Variants in MTHFSD observed in about 807,000 individuals in gnomAD.
The protein encoded by MTHFSD is methenyltetrahydrofolate synthetase domain containing, also known as methenyltetrahydrofolate synthase domain-containing protein.
Under a neutral mutation model 31.1 loss-of-function variants are expected in MTHFSD, and 37 were observed. That is an observed-to-expected ratio of 1.19 (90% CI 0.91 to 1.56). The LOEUF (loss-of-function observed/expected upper bound fraction) is 1.56. MTHFSD is among the 40% of genes most tolerant of loss of function. The pLI is 0.00. For missense variants in MTHFSD, 664 were observed against 510.1 expected (o/e 1.30, Z -2.91); for synonymous variants, 221 against 206.9 (o/e 1.07, Z -0.59).
rs151038450 is a variant in MTHFSD at position 86,538,976 on chromosome 16, T to C, written c.681+2721A>G. Among the ~76,000 whole-genome samples the C allele has an allele frequency of 5.1e-3, 771 of 152,282 alleles. 11 individuals carry two copies. Among genetic ancestry groups the C allele is most frequent in the African/African-American group, 0.018 (738 of 41,540 alleles). On this transcript the variant is annotated intron_variant, in intron 7 of 7. Coordinates refer to ENST00000360900, the MANE Select transcript of MTHFSD (RefSeq NM_001159377.2). ...AGGACAGAGCAGACAATGTGCCTTC[T>C]AGAAAGGAGGAGCAAAAGCAGAGCC...
At position 86,547,579 on chromosome 16, in the gene MTHFSD, A is replaced by G. The variant is rs377501919; in HGVS notation, c.351+885T>C. The G allele has an allele frequency of 7.1e-5, 70 of 988,458 alleles. No homozygotes were observed. In the East Asian group the frequency reaches 4.7e-3, roughly 67 times the overall value. The allele number at this position is 988,458 out of a possible 1,614,324, so 61.2% of individuals were successfully genotyped here. A position where few individuals can be genotyped will look rare whatever the true frequency, so the allele number is the denominator to read the frequency against. On this transcript the variant is annotated intron_variant, in intron 4 of 7. Transcript: ENST00000360900. ...GCAGGCACTGACCAACTGCAAAGGA[A>G]GAGACGGCTTGCATTTGTGAATGCT...
chr16:86,532,631 TC>T (rs1227079783), intron 7 of MTHFSD, 150 bp from the exon 8 acceptor site: 1 of 500,124 alleles, frequency 2.0e-6, no homozygotes, highest in Non-Finnish European at 3.4e-6. Context: ...ACTCCCACTG[TC>T]CCACCCACTA....
rs190387064 is a variant in MTHFSD, at chr16:86,542,406, G to C, written c.443-193C>G. Reference sequence around the variant, plus strand: ...ACGATGGACTTTTGGGCATTCAACAGGAATAACAACACGGCCAATGTCAGG... The same window carrying C: ...ACGATGGACTTTTGGGCATTCAACACGAATAACAACACGGCCAATGTCAGG... On this transcript the variant is annotated intron_variant, in intron 5 of 7. Coordinates refer to ENST00000360900, the MANE Select transcript of MTHFSD (RefSeq NM_001159377.2). This position sits in a 1 kb window ranked among gnomAD's most constrained non-coding sequence, Gnocchi z 4.6. 7.2e-4 allele frequency: 418 copies of C among 581,068 alleles called. 1 individual carries two copies. The highest frequency in any genetic ancestry group is 1.2e-4 in the Non-Finnish European group (38 of 326,220). The allele number at this position is 581,068 out of a possible 1,614,324, so 36.0% of individuals were successfully genotyped here. A position where few individuals can be genotyped will look rare whatever the true frequency, so the allele number is the denominator to read the frequency against.
Position 86,532,148 on chromosome 16 carries a change from G to A in MTHFSD, c.1015C>T (p.Gln339Ter), listed in dbSNP as rs779172961. ...LGSVPLRLTW[Q>*]GPRRRAFLHY... ...AGGAAGGCTCTGCGCCGCGGGCCCT[G>A]CCAGGTGAGCCGCAGGGGCACGGAG... Residue 339 changes from glutamine (Q) to a stop codon, truncating the protein, a stop_gained, in exon 8 of 8, where the codon CAG (glutamine) becomes TAG (stop). Coordinates refer to ENST00000360900, the MANE Select transcript of MTHFSD (RefSeq NM_001159377.2). LOFTEE classifies it low-confidence loss of function (END_TRUNC). 10 of 1,562,688 alleles carry A rather than the reference G, an allele frequency of 6.4e-6. No individual in the cohort carries two copies. Among genetic ancestry groups the A allele is most frequent in the Admixed American group, 3.8e-5 (2 of 53,292 alleles).
At chr16:86,539,155 T>TA (rs924109155) in intron 7 of MTHFSD, among the ~76,000 whole-genome samples, 5 of 152,138 alleles carry the variant, frequency 3.3e-5, no homozygotes, top group Admixed American at 2.6e-4. Flanking sequence ...CGGCTACTTG[T>TA]GGGGGGTCTC....
intron 1 of MTHFSD, 28 bp downstream of exon 1, chr16:86,555,141 C>T: frequency 1.3e-6 from 2 of 1,533,586 alleles, no homozygotes; most frequent in South Asian, 2.4e-5. Flanking sequence ...CATTCCCAGC[C>T]GCCCCGGAGC....
In MTHFSD at chr16:86,554,668, G is replaced by C. The variant is rs747603296; in HGVS notation, c.100C>G (p.His34Asp). The change falls in exon 2 of 8, where the codon CAT becomes GAT. Residue 34 changes from histidine to aspartate, a missense_variant. Physicochemically the swap from His to Asp is moderately conservative, Grantham distance 81. Coordinates refer to ENST00000360900, the MANE Select transcript of MTHFSD (RefSeq NM_001159377.2). ...ACCTTAAAGTTGGGTATCCTGTGAT[G>C]AACAGGTCGGGGAAAGTCAGCTAAA... ...QNLADFPRPV[H>D]HRIPNFKGSY... is the part of the protein sequence containing the mutation. The C allele has an allele frequency of 1.9e-6, 3 of 1,614,088 alleles. No homozygotes were observed. The highest frequency in any genetic ancestry group is 2.5e-6 in the Non-Finnish European group (3 of 1,179,950).
At chr16:86,548,268 A>G (rs1460004728) in intron 4 of MTHFSD, among the ~76,000 whole-genome samples, 196 bp downstream of exon 4, 1 of 152,272 alleles carries the variant, frequency 6.6e-6, no homozygotes, top group Non-Finnish European at 1.5e-5. Context: ...ACTGAGTTAC[A>G]GAAATAGAAT....
chr16:86,543,952 G>C (rs1971901481), intron 5 of MTHFSD, among the ~76,000 whole-genome samples: 1 of 152,204 alleles, frequency 6.6e-6, no homozygotes. Context: ...AGGGATCTAG[G>C]TTGCGTGCTC....
rs1304402695 is a variant in MTHFSD at position 86,542,112 on chromosome 16, G to A, written c.544C>T (p.His182Tyr). The A allele has an allele frequency of 2.5e-6, 4 of 1,613,316 alleles. No individual in the cohort carries two copies. Among genetic ancestry groups the A allele is most frequent in the South Asian group, 2.2e-5 (2 of 91,060 alleles). The change falls in exon 6 of 8, where the codon CAC becomes TAC. Residue 182 changes from histidine (H) to tyrosine (Y), a missense_variant. His to Tyr is a moderately conservative substitution (Grantham distance 83). Transcript: ENST00000360900. This position sits in a 1 kb window ranked among gnomAD's most constrained non-coding sequence, Gnocchi z 4.6. ...SKETPVVTIV[H>Y]DCQVVDIPEE... is the part of the protein sequence containing the mutation. ...TTCATAAGGAGCACCTGGCAGTCGTGGACGATGGTGACCACCGGCGTCTCC... is the reference window on the plus strand; with the variant it reads ...TTCATAAGGAGCACCTGGCAGTCGTAGACGATGGTGACCACCGGCGTCTCC...
intron 7 of MTHFSD, chr16:86,540,674 C>G (rs1255696597): frequency 3.0e-6 from 3 of 987,858 alleles, no homozygotes; most frequent in Admixed American, 1.2e-4. Context: ...TACAAGGAAG[C>G]TGTGGACCAG....
chr16:86,538,379 G>A (rs903840892), intron 7 of MTHFSD, among the ~76,000 whole-genome samples: 2 of 152,208 alleles, frequency 1.3e-5, no homozygotes, highest in Non-Finnish European at 2.9e-5. Flanking sequence ...TGCTGCTGCT[G>A]TCCAGGTGCT....
At chr16:86,538,836 C>A (rs1971078641) in intron 7 of MTHFSD, among the ~76,000 whole-genome samples, 1 of 152,130 alleles carries the variant, frequency 6.6e-6, no homozygotes, top group African/African-American at 2.4e-5. Flanking sequence ...GGTACGGTGA[C>A]TGGGAGATGG....
chr16:86,543,127 A>C (rs1971760990), intron 5 of MTHFSD, among the ~76,000 whole-genome samples: 2 of 152,266 alleles, frequency 1.3e-5, no homozygotes, highest in South Asian at 4.1e-4. Context: ...TTCACAGAAA[A>C]TGACAGGCAG....
intron 7 of MTHFSD, chr16:86,535,341 C>A (rs1045992844): frequency 4.3e-6 from 1 of 230,154 alleles, no homozygotes; most frequent in African/African-American, 9.0e-5. Context: ...GGCTGTGGGG[C>A]GGCTTTGCCA....
At chr16:86,540,948 A>G in intron 7 of MTHFSD, 1 of 1,149,370 alleles carries the variant, frequency 8.7e-7, no homozygotes, top group Non-Finnish European at 1.1e-6. Context: ...TTCTGTGTTC[A>G]TCCTTAGAGG....
At chr16:86,535,562 A>T (rs1306792357) in intron 7 of MTHFSD, 1 of 970,160 alleles carries the variant, frequency 1.0e-6, no homozygotes, top group East Asian at 1.1e-4. Context: ...AACATGAGAA[A>T]ACATTTTTGC....
chr16:86,549,636 C>T (rs1208963768), intron 3 of MTHFSD, among the ~76,000 whole-genome samples: 2 of 152,198 alleles, frequency 1.3e-5, no homozygotes, highest in Non-Finnish European at 2.9e-5. Flanking sequence ...TGGATCTCAG[C>T]CTTTAGTGTG....
At chr16:86,541,631 A>G (rs998714179) in intron 7 of MTHFSD, 66 bp downstream of exon 7, 6 of 1,567,492 alleles carry the variant, frequency 3.8e-6, no homozygotes, top group East Asian at 2.3e-5. Flanking sequence ...CATGCCAGAC[A>G]GAAAACACTT....
Sources: allele counts gnomAD v4.1 joint callset (sites outside exome capture counted in the v4.1 genomes callset), GRCh38; gene constraint gnomAD v4.1.1; non-coding constraint Gnocchi (gnomAD v3.1); transcripts MANE v1.5; gene names NCBI Gene and HGNC (gene_info 2026-07-23, HGNC 2026-07-21).